CLRN3: variants seen among roughly 807,000 people sequenced by gnomAD.
The protein encoded by CLRN3 is clarin-3.
A neutral mutation model predicts 16.7 loss-of-function variants in CLRN3; 12 were observed. That is an observed-to-expected ratio of 0.72 (90% CI 0.46 to 1.16). The LOEUF (loss-of-function observed/expected upper bound fraction) is 1.16, where lower values mean the gene tolerates loss of function less well. Among genes scored for constraint, CLRN3 ranks in the 50% most tolerant of loss-of-function variants. The pLI is 0.00. For missense variants in CLRN3, 296 were observed against 274.2 expected (o/e 1.08, Z -0.56); for synonymous variants, 118 against 113.0 (o/e 1.04, Z -0.28).
intron 1 of CLRN3, among the ~76,000 whole-genome samples, chr10:127,886,024 G>A (rs370447587): frequency 1.0e-3 from 159 of 152,188 alleles, no homozygotes; most frequent in African/African-American, 3.8e-3. Flanking sequence ...CAAAGTGCTG[G>A]GATTACAGGC....
At chr10:127,882,690 C>G (rs1320973190) in intron 2 of CLRN3, among the ~76,000 whole-genome samples, 2 of 152,206 alleles carry the variant, frequency 1.3e-5, no homozygotes, top group Admixed American at 6.5e-5. Flanking sequence ...CCCTCAGCCC[C>G]TCCTCCGAGG....
In CLRN3 at chr10:127,878,240, A is replaced by G. The variant is rs1265233124; in HGVS notation, c.590T>C (p.Ile197Thr). Residue 197 changes from isoleucine (I) to threonine (T), a missense_variant, in exon 3 of 3, where the codon ATC becomes ACC. Physicochemically the swap from Ile to Thr is moderately conservative, Grantham distance 89. Transcript: ENST00000368671. Reference sequence around the variant, plus strand: ...TCTGGCCTTCTGGTAGAAAATGATGATGGTTACAGTGACTATATTTAGAAG... The same window carrying G: ...TCTGGCCTTCTGGTAGAAAATGATGGTGGTTACAGTGACTATATTTAGAAG... ...VILLNIVTVT[I>T]IIFYQKARYQ... The G allele has an allele frequency of 5.6e-6, 9 of 1,614,034 alleles. No homozygotes were observed. The highest frequency in any genetic ancestry group is 2.2e-5 in the East Asian group (1 of 44,896).
intron 2 of CLRN3, among the ~76,000 whole-genome samples, chr10:127,880,301 C>T (rs977984231): frequency 1.3e-5 from 2 of 152,002 alleles, no homozygotes; most frequent in Admixed American, 6.6e-5. Flanking sequence ...GGGGAGGGGC[C>T]GACACACAGA....
At chr10:127,883,127 A>G (rs879816064) in intron 2 of CLRN3, among the ~76,000 whole-genome samples, 4 of 152,186 alleles carry the variant, frequency 2.6e-5, no homozygotes, top group Non-Finnish European at 5.9e-5. Context: ...GTAGCCCACA[A>G]AAAAGGTATT....
At position 127,892,733 on chromosome 10, in the gene CLRN3, G is replaced by C. The variant is rs765500931; in HGVS notation, c.52C>G (p.Leu18Val). 1 of 1,613,726 alleles carries C rather than the reference G, an allele frequency of 6.2e-7. No individual in the cohort carries two copies. The highest frequency in any genetic ancestry group is 8.5e-7 in the Non-Finnish European group (1 of 1,179,792). ...LMFLSSFFTS[L>V]GSFIVICSIL... ...GAGCAAATTACAATGAAGGACCCAA[G>C]GCTGGTGAAAAAGCTTGATAAGAAC... Residue 18 changes from leucine to valine, a missense_variant, in exon 1 of 3, where the codon CTT becomes GTT. Coordinates refer to ENST00000368671, the MANE Select transcript of CLRN3 (RefSeq NM_152311.5).
intron 2 of CLRN3, among the ~76,000 whole-genome samples, chr10:127,879,384 T>C (rs1303909394): frequency 2.0e-5 from 3 of 152,184 alleles, no homozygotes; most frequent in Non-Finnish European, 4.4e-5. Context: ...TGAGCTACTC[T>C]GCCGAGCCCT....
intron 1 of CLRN3, 59 bp downstream of exon 1, chr10:127,892,497 G>C: frequency 1.0e-6 from 1 of 957,970 alleles, no homozygotes; most frequent in Non-Finnish European, 1.7e-6. Flanking sequence ...CCCAAATATA[G>C]AATGACATAA....
rs908968538 is a variant in CLRN3, at chr10:127,877,947, C to G, written c.*202G>C. ...CTGCTTTGAATACCACACAGACCAG[C>G]GACATTTCCCATTCATTTCCCCAAC... is the stretch of plus-strand genomic sequence containing the variant. On this transcript the variant is annotated 3_prime_UTR_variant, in exon 3 of 3. Coordinates refer to ENST00000368671, the MANE Select transcript of CLRN3 (RefSeq NM_152311.5). The G allele has an allele frequency of 8.3e-6, 5 of 599,176 alleles. No homozygotes were observed. The highest frequency in any genetic ancestry group is 1.5e-5 in the Non-Finnish European group (5 of 344,784). 37.1% of individuals were successfully genotyped at this position (599,176 alleles called of 1,614,324 possible). A position where few individuals can be genotyped will look rare whatever the true frequency, so the allele number is the denominator to read the frequency against.
chr10:127,878,763 T>C (rs1845091262), intron 2 of CLRN3, among the ~76,000 whole-genome samples: 2 of 152,142 alleles, frequency 1.3e-5, no homozygotes, highest in Admixed American at 1.3e-4. Context: ...AGAGAGAAGC[T>C]GTATAAGGAG....
chr10:127,878,179 T>C lies in CLRN3; in HGVS notation c.651A>G (p.Glu217=), dbSNP rs2135074685. 1 of 1,613,826 alleles carries C rather than the reference T, an allele frequency of 6.2e-7. No homozygotes were observed. The highest frequency in any genetic ancestry group is 1.1e-5 in the South Asian group (1 of 91,082). ...ATAAAATTCCGTCCCTTGGAGCATATTCCATTGGCTTTCTCTGCTCCTGCT... is the reference window on the plus strand; with the variant it reads ...ATAAAATTCCGTCCCTTGGAGCATACTCCATTGGCTTTCTCTGCTCCTGCT... ...QRKQEQRKPM[E]YAPRDGILF Residue 217 remains glutamate, a synonymous_variant, in exon 3 of 3, where the codon GAA becomes GAG. Coordinates refer to ENST00000368671, the MANE Select transcript of CLRN3 (RefSeq NM_152311.5).
chr10:127,884,861 G>A (rs746917550), intron 1 of CLRN3, among the ~76,000 whole-genome samples: 34 of 152,228 alleles, frequency 2.2e-4, no homozygotes, highest in Non-Finnish European at 4.1e-4. Context: ...AGGCCCTGTG[G>A]AGGAGGCCAG....
intron 1 of CLRN3, among the ~76,000 whole-genome samples, chr10:127,885,179 C>T (rs1380608819): frequency 6.6e-6 from 1 of 152,242 alleles, no homozygotes; most frequent in African/African-American, 2.4e-5. Context: ...GGTCGAAGGT[C>T]AAGGAGTTCC....
chr10:127,882,226 G>C (rs1485369088), intron 2 of CLRN3, among the ~76,000 whole-genome samples: 1 of 147,952 alleles, frequency 6.8e-6, no homozygotes, highest in Non-Finnish European at 1.5e-5. Context: ...TTAAATTGGG[G>C]GATTTATTTG....
rs1564776939 is a variant in CLRN3, at chr10:127,878,170, T to C, written c.660A>G (p.Pro220=). ...GAATTCAGAATAAAATTCCGTCCCT[T>C]GGAGCATATTCCATTGGCTTTCTCT... ...QEQRKPMEYA[P]RDGILF Residue 220 remains proline (P), a synonymous_variant, in exon 3 of 3, where the codon CCA becomes CCG. Coordinates refer to ENST00000368671, the MANE Select transcript of CLRN3 (RefSeq NM_152311.5). 4 of 1,613,162 alleles carry C rather than the reference T, an allele frequency of 2.5e-6. No individual in the cohort carries two copies. The African/African-American group carries it at 4.0e-5, about 16-fold the overall frequency.
intron 1 of CLRN3, among the ~76,000 whole-genome samples, chr10:127,888,005 T>C (rs1845216957): frequency 6.6e-6 from 1 of 152,176 alleles, no homozygotes. Context: ...ATGAGAGCCA[T>C]CCGGACATCT....
At position 127,878,256 on chromosome 10, in the gene CLRN3, T is replaced by C. The variant is rs34656572; in HGVS notation, c.574A>G (p.Ile192Val). The change falls in exon 3 of 3, where the codon ATA becomes GTA. Residue 192 changes from isoleucine (I) to valine (V), a missense_variant. Physicochemically the swap from Ile to Val is conservative, Grantham distance 29. Coordinates refer to ENST00000368671, the MANE Select transcript of CLRN3 (RefSeq NM_152311.5). ...AAAATGATGATGGTTACAGTGACTATATTTAGAAGAATGACGAGCAGTATG... is the reference window on the plus strand; with the variant it reads ...AAAATGATGATGGTTACAGTGACTACATTTAGAAGAATGACGAGCAGTATG... ...WLILLVILLN[I>V]VTVTIIIFYQ... is the part of the protein sequence containing the mutation. The C allele has an allele frequency of 1.9e-3, 3,083 of 1,614,212 alleles. 50 individuals are homozygous for C. The African/African-American group carries it at 0.037, about 19-fold the overall frequency.
intron 1 of CLRN3, among the ~76,000 whole-genome samples, chr10:127,887,182 G>A (rs535175434): frequency 2.0e-5 from 3 of 152,334 alleles, no homozygotes; most frequent in Middle Eastern, 6.8e-3. Context: ...CAGCACGTAG[G>A]ACACACCTGT....
chr10:127,879,644 C>T (rs909966474), intron 2 of CLRN3, among the ~76,000 whole-genome samples: 5 of 151,898 alleles, frequency 3.3e-5, no homozygotes, highest in Admixed American at 6.6e-5. Flanking sequence ...AGCTAAAGGG[C>T]ATGGGGTTTC....
intron 2 of CLRN3, among the ~76,000 whole-genome samples, chr10:127,882,198 G>A (rs975208304): frequency 4.6e-5 from 7 of 152,088 alleles, no homozygotes; most frequent in Admixed American, 6.5e-5. Flanking sequence ...TTTGTGCCTC[G>A]TCCATAGTGG....
Sources: allele counts gnomAD v4.1 joint callset (sites outside exome capture counted in the v4.1 genomes callset), GRCh38; gene constraint gnomAD v4.1.1; transcripts MANE v1.5; gene names NCBI Gene and HGNC (gene_info 2026-07-23, HGNC 2026-07-21).